The following PDE4D variants were observed in gnomAD, a reference collection of about 807,000 sequenced individuals.
PDE4D encodes the protein 3',5'-cyclic-AMP phosphodiesterase 4D.
Under a neutral mutation model 87.4 loss-of-function variants are expected in PDE4D, and 24 were observed. The observed-to-expected ratio is 0.27, with a 90% CI of 0.20 to 0.39. The LOEUF (loss-of-function observed/expected upper bound fraction) is 0.39. Ranked by LOEUF, PDE4D falls within the 10% of genes least tolerant of loss-of-function variation. PDE4D has a pLI of 1.00. For missense variants in PDE4D, 714 were observed against 1,041.0 expected, an observed-to-expected ratio of 0.69 and a Z score of 4.32; for synonymous variants, 384 against 383.2, an observed-to-expected ratio of 1.00 and a Z score of -0.02.
chr5:60,110,970 A>G (rs181319457), intron 2 of PDE4D, among the ~76,000 whole-genome samples: 4 of 152,194 alleles, frequency 2.6e-5, no homozygotes. Context: ...AGCTCATGGT[A>G]GTAAAGTAGA....
At chr5:59,827,031 G>T (rs1379247088) in intron 1 of PDE4D, among the ~76,000 whole-genome samples, 1 of 151,736 alleles carries the variant, frequency 6.6e-6, no homozygotes, top group Non-Finnish European at 1.5e-5. Context: ...AAAACTTTGG[G>T]GATATGATTA....
chr5:60,393,490 C>T (rs1453504821), intron 1 of PDE4D, among the ~76,000 whole-genome samples: 1 of 152,032 alleles, frequency 6.6e-6, no homozygotes, highest in Admixed American at 6.6e-5. Flanking sequence ...CTATAAGTAG[C>T]CTACTACAAA....
intron 5 of PDE4D, among the ~76,000 whole-genome samples, chr5:59,053,661 GT>G (rs1223091433): frequency 1.0e-4 from 9 of 89,802 alleles, no homozygotes; most frequent in Admixed American, 5.1e-4. Context: ...TTTTGTTGTT[GT>G]TTTTTTTTTT....
At chr5:60,416,904 T>C (rs1474553989) in intron 1 of PDE4D, among the ~76,000 whole-genome samples, 4 of 152,166 alleles carry the variant, frequency 2.6e-5, no homozygotes, top group Non-Finnish European at 5.9e-5. Flanking sequence ...AAATATGTAA[T>C]ATATAAAGCC....
chr5:59,831,622 T>A (rs912866703), intron 1 of PDE4D, among the ~76,000 whole-genome samples: 1 of 152,082 alleles, frequency 6.6e-6, no homozygotes, highest in Admixed American at 6.6e-5. Flanking sequence ...TGACTTTGGT[T>A]ACATTCTAAG....
intron 2 of PDE4D, among the ~76,000 whole-genome samples, chr5:60,121,898 T>TA (rs1371516479): frequency 2.0e-5 from 3 of 152,128 alleles, no homozygotes; most frequent in Non-Finnish European, 4.4e-5. Context: ...AAAAGCAAGC[T>TA]AGTTACTTCC....
intron 1 of PDE4D, among the ~76,000 whole-genome samples, chr5:60,441,009 A>T (rs761126482): frequency 3.3e-5 from 5 of 152,138 alleles, no homozygotes; most frequent in Admixed American, 1.3e-4. Context: ...TTGAGCAAGA[A>T]TGTGGCATAA....
At chr5:59,336,913 T>G (rs1777758926) in intron 1 of PDE4D, among the ~76,000 whole-genome samples, 1 of 152,204 alleles carries the variant, frequency 6.6e-6, no homozygotes, top group Non-Finnish European at 1.5e-5. Context: ...AGGAATCTAT[T>G]TACTCAATGT....
intron 3 of PDE4D, among the ~76,000 whole-genome samples, chr5:59,927,760 T>G (rs1755449641): frequency 6.6e-6 from 1 of 152,210 alleles, no homozygotes; most frequent in African/African-American, 2.4e-5. Context: ...CAACAAGTTT[T>G]AAAACAAAAC....
chr5:59,352,249 A>G (rs1562013999), intron 1 of PDE4D, among the ~76,000 whole-genome samples: 1 of 152,102 alleles, frequency 6.6e-6, no homozygotes, highest in Non-Finnish European at 1.5e-5. Flanking sequence ...CTGAACCTTC[A>G]ATTCTTCTTC....
chr5:59,125,008 AAAGAC>A (rs1464259543), intron 5 of PDE4D, among the ~76,000 whole-genome samples: 35 of 152,066 alleles, frequency 2.3e-4, no homozygotes, highest in African/African-American at 8.4e-4. Flanking sequence ...ATTAATTCCA[AAAGAC>A]TTATATCTGC....
intron 2 of PDE4D, among the ~76,000 whole-genome samples, chr5:60,058,347 T>C (rs1771009615): frequency 6.6e-6 from 1 of 151,894 alleles, no homozygotes; most frequent in Non-Finnish European, 1.5e-5. Flanking sequence ...TGCTAAGAGA[T>C]TACTATTCTG....
chr5:59,151,610 C>G (rs923380483), intron 5 of PDE4D, among the ~76,000 whole-genome samples: 1 of 152,168 alleles, frequency 6.6e-6, no homozygotes, highest in African/African-American at 2.4e-5. Context: ...TGATGGTACT[C>G]CCTGTGTATG....
At position 59,629,053 on chromosome 5, in the gene PDE4D, C is replaced by A. The variant is rs532565214; in HGVS notation, c.455+264115G>T. 1.6e-4 allele frequency among the ~76,000 whole-genome samples: 24 copies of A among 152,304 alleles called. 1 individual carries two copies. Among genetic ancestry groups the A allele is most frequent in the Admixed American group, 1.6e-3 (24 of 15,300 alleles). The stretch of plus-strand genomic sequence containing the variant: ...AACTCACTCACTATCATGAGAACAG[C>A]ATGAGTGTAACTGCCACCATGATTC... On this transcript the variant is annotated intron_variant, in intron 1 of 14. Coordinates refer to ENST00000340635, the MANE Select transcript of PDE4D (RefSeq NM_001104631.2).
chr5:58,986,653 A>G (rs1385837535), intron 11 of PDE4D, among the ~76,000 whole-genome samples: 2 of 152,184 alleles, frequency 1.3e-5, no homozygotes, highest in Non-Finnish European at 2.9e-5. Context: ...TCTGAGATGG[A>G]ACAGTTTCAT....
At chr5:59,665,300 A>C (rs755491619) in intron 1 of PDE4D, among the ~76,000 whole-genome samples, 2 of 152,238 alleles carry the variant, frequency 1.3e-5, no homozygotes, top group African/African-American at 2.4e-5. Flanking sequence ...TAGTTGCTGG[A>C]GTAAGGTTAC....
At chr5:59,762,965 A>G (rs1351576639) in intron 1 of PDE4D, among the ~76,000 whole-genome samples, 1 of 149,028 alleles carries the variant, frequency 6.7e-6, no homozygotes, top group Admixed American at 6.7e-5. Flanking sequence ...CTATATATAA[A>G]ATGGTAAACA....
chr5:59,679,385 A>T (rs1053457048), intron 1 of PDE4D, among the ~76,000 whole-genome samples: 2 of 152,220 alleles, frequency 1.3e-5, no homozygotes, highest in African/African-American at 4.8e-5. Flanking sequence ...GCCACATGAG[A>T]AACAGCAAGA....
At chr5:59,014,570 G>A (rs560818115) in intron 6 of PDE4D, among the ~76,000 whole-genome samples, 1 of 152,126 alleles carries the variant, frequency 6.6e-6, no homozygotes, top group East Asian at 1.9e-4. Flanking sequence ...AAAATACCAA[G>A]GAATCCAACT....
Sources: allele counts gnomAD v4.1 joint callset (sites outside exome capture counted in the v4.1 genomes callset), GRCh38; gene constraint gnomAD v4.1.1; transcripts MANE v1.5; gene names NCBI Gene and HGNC (gene_info 2026-07-23, HGNC 2026-07-21).